The following RASSF8 variants were observed in gnomAD, a reference collection of about 807,000 sequenced individuals.
RASSF8 encodes Ras association domain family member 8, also known as ras association domain-containing protein 8.
A neutral mutation model predicts 48.5 loss-of-function variants in RASSF8; 22 were observed. That is an observed-to-expected ratio of 0.45 (90% confidence interval 0.32 to 0.65). RASSF8 has a LOEUF of 0.65. Among genes scored for constraint, RASSF8 ranks in the 30% least tolerant of loss-of-function variants. The pLI is 0.03. For missense variants in RASSF8, 418 were observed against 489.2 expected (o/e 0.85, Z 1.37); for synonymous variants, 127 against 171.5 (o/e 0.74, Z 2.03).
chr12:25,980,956 G>A (rs915889183), intron 1 of RASSF8, among the ~76,000 whole-genome samples: 12 of 152,120 alleles, frequency 7.9e-5, no homozygotes, highest in African/African-American at 2.9e-4. Flanking sequence ...TATGGTTGTT[G>A]TCCAGTAGAA....
At chr12:26,003,252 A>C (rs1049916267) in intron 2 of RASSF8, among the ~76,000 whole-genome samples, 2 of 152,224 alleles carry the variant, frequency 1.3e-5, no homozygotes, top group African/African-American at 4.8e-5. Context: ...GTGATGTATC[A>C]CATTTATTGA....
chr12:26,069,598 G>A lies in RASSF8; in HGVS notation c.*780G>A. 1.0e-6 allele frequency: 1 copy of A among 985,382 alleles called. No individual in the cohort carries two copies. The highest frequency in any genetic ancestry group is 1.2e-6 in the Non-Finnish European group (1 of 829,926). 61.0% of individuals were successfully genotyped at this position (985,382 alleles called of 1,614,324 possible). A position where few individuals can be genotyped will look rare whatever the true frequency, so the allele number is the denominator to read the frequency against. ...GGTAAGTATGTATCCAAACAGGCAT[G>A]GGGTTTCCTGATACATTATGTGTTT... On this transcript the variant is annotated 3_prime_UTR_variant, in exon 6 of 6. Coordinates refer to ENST00000689635, the MANE Select transcript of RASSF8 (RefSeq NM_001394098.1).
At chr12:25,995,769 G>A (rs915037594) in intron 2 of RASSF8, among the ~76,000 whole-genome samples, 2 of 152,026 alleles carry the variant, frequency 1.3e-5, no homozygotes, top group South Asian at 2.1e-4. Context: ...TGACTTATTC[G>A]TCCCAGGAGG....
chr12:26,042,859 A>G (rs1450579965), intron 2 of RASSF8, among the ~76,000 whole-genome samples: 1 of 152,156 alleles, frequency 6.6e-6, no homozygotes, highest in Non-Finnish European at 1.5e-5. Flanking sequence ...AGCATCAATT[A>G]GTGGTAAGAT....
intron 2 of RASSF8, among the ~76,000 whole-genome samples, chr12:26,017,525 G>A (rs149457178): frequency 8.5e-4 from 130 of 152,338 alleles, no homozygotes; most frequent in African/African-American, 2.9e-3. Context: ...GCCTGGCTCA[G>A]GCTCACTGGA....
intron 2 of RASSF8, among the ~76,000 whole-genome samples, chr12:26,047,441 G>A (rs1156254473): frequency 6.6e-6 from 1 of 152,050 alleles, no homozygotes; most frequent in African/African-American, 2.4e-5. Context: ...TTCTGTACTG[G>A]GCCCTTTAAT....
At chr12:26,046,874 A>T (rs1488350755) in intron 2 of RASSF8, among the ~76,000 whole-genome samples, 1 of 152,228 alleles carries the variant, frequency 6.6e-6, no homozygotes, top group African/African-American at 2.4e-5. Context: ...CCAAGTTTTC[A>T]CTAATTTTGT....
chr12:26,021,528 C>G (rs1942786986), intron 2 of RASSF8: 1 of 152,174 alleles, frequency 6.6e-6, no homozygotes, highest in South Asian at 2.1e-4. Context: ...GGTGAGTGTG[C>G]CAATGTGGTC....
Position 26,064,639 on chromosome 12 carries a change from C to T in RASSF8, c.245C>T (p.Pro82Leu), listed in dbSNP as rs1943823801. The T allele has an allele frequency of 3.7e-6, 6 of 1,614,004 alleles. No individual in the cohort carries two copies. The highest frequency in any genetic ancestry group is 1.7e-5 in the Admixed American group (1 of 59,994). ...CAGCTCATTCTACGACGAACTGGGC[C>T]GTCTCTCAGTGAGCGACCCACTTCA... ...DVQLILRRTG[P>L]SLSERPTSDS... Residue 82 changes from proline to leucine, a missense_variant, in exon 4 of 6, where the codon CCG (proline) becomes CTG (leucine). Coordinates refer to ENST00000689635, the MANE Select transcript of RASSF8 (RefSeq NM_001394098.1).
intron 1 of RASSF8, among the ~76,000 whole-genome samples, chr12:25,966,127 T>C (rs116455353): frequency 0.012 from 1,795 of 152,346 alleles, 43 homozygotes; most frequent in African/African-American, 0.041. Context: ...TCCCAAGTGA[T>C]TGTACCATTT....
At chr12:26,012,119 G>T (rs536580849) in intron 2 of RASSF8, among the ~76,000 whole-genome samples, 1 of 152,286 alleles carries the variant, frequency 6.6e-6, no homozygotes, top group Non-Finnish European at 1.5e-5. Flanking sequence ...CAGAATGCCT[G>T]AATTGAAGTC....
intron 5 of RASSF8, 110 bp downstream of exon 5, chr12:26,067,823 G>A (rs925151195): frequency 2.6e-4 from 375 of 1,418,142 alleles, no homozygotes; most frequent in Non-Finnish European, 3.5e-4. Flanking sequence ...GGAATGCCAG[G>A]GGTATTACCA....
intron 2 of RASSF8, among the ~76,000 whole-genome samples, chr12:26,054,642 A>C (rs2137237600): frequency 6.6e-6 from 1 of 152,324 alleles, no homozygotes; most frequent in South Asian, 2.1e-4. Context: ...GGCAAGGGAC[A>C]CATTTAAAAC....
At chr12:25,980,023 A>T (rs547802117) in intron 1 of RASSF8, among the ~76,000 whole-genome samples, 16 of 152,364 alleles carry the variant, frequency 1.1e-4, no homozygotes, top group African/African-American at 3.8e-4. Flanking sequence ...GACAAAATTC[A>T]GAGTGGTAGT....
chr12:26,031,444 A>G (rs1349469072), intron 2 of RASSF8, among the ~76,000 whole-genome samples: 5 of 152,178 alleles, frequency 3.3e-5, no homozygotes, highest in Non-Finnish European at 7.3e-5. Flanking sequence ...TCTTGAACTC[A>G]ATCAGCAGCC....
chr12:26,015,803 T>C (rs1228340191), intron 2 of RASSF8, among the ~76,000 whole-genome samples: 1 of 152,142 alleles, frequency 6.6e-6, no homozygotes, highest in Non-Finnish European at 1.5e-5. Context: ...ATGTTTTTTT[T>C]CAGGTTTGCT....
chr12:25,965,130 G>A (rs1392855071), intron 1 of RASSF8, among the ~76,000 whole-genome samples: 3 of 151,826 alleles, frequency 2.0e-5, no homozygotes, highest in Non-Finnish European at 2.9e-5. Context: ...TTTTATTAGA[G>A]ACAGGATTTA....
chr12:26,066,717 C>T (rs1943883802), intron 4 of RASSF8, among the ~76,000 whole-genome samples: 1 of 152,224 alleles, frequency 6.6e-6, no homozygotes, highest in African/African-American at 2.4e-5. Context: ...GTACCCCCTA[C>T]ACTCAAATAA....
Position 26,069,437 on chromosome 12 carries a change from C to A in RASSF8, c.*619C>A. On this transcript the variant is annotated 3_prime_UTR_variant, in exon 6 of 6. Transcript: ENST00000689635. ...TGAAATAATTCAGGGTTTTTTAAAT[C>A]TGGAATTTAGTCGTTCCTTTACAAT... The A allele has an allele frequency of 4.1e-6, 4 of 985,418 alleles. No individual in the cohort carries two copies. The highest frequency in any genetic ancestry group is 4.8e-6 in the Non-Finnish European group (4 of 829,902). The allele number at this position is 985,418 out of a possible 1,614,324, so 61.0% of individuals were successfully genotyped here.
Sources: allele counts gnomAD v4.1 joint callset (sites outside exome capture counted in the v4.1 genomes callset), GRCh38; gene constraint gnomAD v4.1.1; transcripts MANE v1.5; gene names NCBI Gene and HGNC (gene_info 2026-07-23, HGNC 2026-07-21).